The following PPTC7 variants were observed in gnomAD, a reference collection of about 807,000 sequenced individuals.
The protein encoded by PPTC7 is protein phosphatase PTC7 homolog.
In PPTC7, 6 loss-of-function variants were observed where a neutral mutation model predicts 30.8. The observed-to-expected ratio is 0.19, with a 90% CI of 0.11 to 0.38. The LOEUF (loss-of-function observed/expected upper bound fraction) is 0.38. PPTC7 is among the 10% of genes least tolerant of loss of function. The pLI, the probability that PPTC7 is intolerant of heterozygous loss-of-function variation, is 1.00. For missense variants in PPTC7, 218 were observed against 404.8 expected (o/e 0.54, Z 3.96); for synonymous variants, 163 against 168.1 (o/e 0.97, Z 0.23).
intron 1 of PPTC7, among the ~76,000 whole-genome samples, chr12:110,557,710 A>C (rs2064401874): frequency 6.6e-6 from 1 of 152,216 alleles, no homozygotes; most frequent in Non-Finnish European, 1.5e-5. Context: ...TAATGTGGGT[A>C]TATTAGTCCA....
rs1231218816 is a variant in PPTC7 at position 110,583,043 on chromosome 12, C to T, written c.-12G>A. The T allele has an allele frequency of 2.2e-6, 3 of 1,388,996 alleles. No individual in the cohort carries two copies. Among genetic ancestry groups the T allele is most frequent in the Non-Finnish European group, 2.8e-6 (3 of 1,081,602 alleles). 86.0% of individuals were successfully genotyped at this position (1,388,996 alleles called of 1,614,324 possible). ...AGGACCGAGAACATCGCCGCCGCCG[C>T]CCCCCCGAGGAGGCGGGGGGCCGGG... On this transcript the variant is annotated 5_prime_UTR_variant, in exon 1 of 6. Coordinates refer to ENST00000354300, the MANE Select transcript of PPTC7 (RefSeq NM_139283.2).
intron 1 of PPTC7, among the ~76,000 whole-genome samples, chr12:110,560,069 A>G (rs1222619557): frequency 6.6e-6 from 1 of 152,118 alleles, no homozygotes; most frequent in Non-Finnish European, 1.5e-5. Flanking sequence ...TCTAATTAAC[A>G]TGTTTTTGTC....
At chr12:110,568,941 G>C (rs1013655908) in intron 1 of PPTC7, among the ~76,000 whole-genome samples, 34 of 152,172 alleles carry the variant, frequency 2.2e-4, no homozygotes, top group Non-Finnish European at 1.2e-4. Context: ...CTTCAGTCCG[G>C]GAGGTCGAGG....
chr12:110,579,585 C>A (rs2135799758), intron 1 of PPTC7, among the ~76,000 whole-genome samples: 1 of 152,268 alleles, frequency 6.6e-6, no homozygotes, highest in African/African-American at 2.4e-5. Flanking sequence ...GGGTCCTGAT[C>A]CTCAGGGGTT....
intron 3 of PPTC7, among the ~76,000 whole-genome samples, chr12:110,543,435 G>GAA (rs797006893): frequency 2.0e-4 from 28 of 140,198 alleles, no homozygotes; most frequent in Non-Finnish European, 3.6e-4. Context: ...CATGCAGCAT[G>GAA]AAAAAAAAAA....
intron 1 of PPTC7, among the ~76,000 whole-genome samples, chr12:110,558,932 C>T (rs2135779745): frequency 6.6e-6 from 1 of 152,198 alleles, no homozygotes; most frequent in South Asian, 2.1e-4. Flanking sequence ...ATGGAAATGT[C>T]AGTTTTATGA....
At chr12:110,572,507 C>T (rs1310278849) in intron 1 of PPTC7, among the ~76,000 whole-genome samples, 1 of 152,104 alleles carries the variant, frequency 6.6e-6, no homozygotes, top group Non-Finnish European at 1.5e-5. Flanking sequence ...AATAAATTCC[C>T]TTTCTCTTCA....
Position 110,582,927 on chromosome 12 carries a change from TC to T in PPTC7, c.104del (p.Gly35AspfsTer3). On this transcript the variant is annotated frameshift_variant, in exon 1 of 6. Transcript: ENST00000354300. LOFTEE classifies it high-confidence loss of function. ...RAGGGGGGDY[G>X]LVTAGCGFGK... ...CGAAGCCGCAGCCGGCCGTCACCAG[TC>T]CGTAGTCGCCGCCGCCGCCGCCGCC... 1 of 1,548,002 alleles carries T rather than the reference TC, an allele frequency of 6.5e-7. No homozygotes were observed. Among genetic ancestry groups the T allele is most frequent in the Non-Finnish European group, 8.7e-7 (1 of 1,146,380 alleles).
intron 1 of PPTC7, among the ~76,000 whole-genome samples, chr12:110,558,416 G>A (rs1171612017): frequency 5.9e-5 from 9 of 152,178 alleles, no homozygotes; most frequent in Admixed American, 5.9e-4. Context: ...AGGTTGCACC[G>A]AATATAGAAG....
intron 1 of PPTC7, among the ~76,000 whole-genome samples, chr12:110,555,738 A>C (rs948607861): frequency 7.2e-5 from 11 of 152,212 alleles, no homozygotes; most frequent in African/African-American, 2.4e-4. Flanking sequence ...AAGGAACAGC[A>C]CATTTCATTG....
At position 110,538,332 on chromosome 12, in the gene PPTC7, T is replaced by G; in HGVS notation, c.727-59A>C. 4 of 1,498,278 alleles carry G rather than the reference T, an allele frequency of 2.7e-6. No homozygotes were observed. The South Asian group carries it at 4.6e-5, about 17-fold the overall frequency. 92.8% of individuals were successfully genotyped at this position (1,498,278 alleles called of 1,614,324 possible). A position where few individuals can be genotyped will look rare whatever the true frequency, so the allele number is the denominator to read the frequency against. On this transcript the variant is annotated intron_variant, in intron 4 of 5. Transcript: ENST00000354300. Reference sequence around the variant, plus strand: ...AATGCTCAAGACAGTAACATTTATCTAACCACCTTTTCCATCATGTAAGTT... The same window carrying G: ...AATGCTCAAGACAGTAACATTTATCGAACCACCTTTTCCATCATGTAAGTT...
At chr12:110,563,930 GAAACTT>G (rs1175693344) in intron 1 of PPTC7, among the ~76,000 whole-genome samples, 1 of 152,180 alleles carries the variant, frequency 6.6e-6, no homozygotes, top group Non-Finnish European at 1.5e-5. Context: ...TGAAGGCAAA[GAAACTT>G]AAAGTCATCC....
intron 1 of PPTC7, among the ~76,000 whole-genome samples, chr12:110,573,918 T>A (rs1458447444): frequency 6.6e-6 from 1 of 150,886 alleles, no homozygotes. Context: ...GAGGCGGAGG[T>A]TACGGTGAGC....
chr12:110,552,093 A>C, intron 1 of PPTC7, 125 bp from the exon 2 acceptor site: 1 of 716,942 alleles, frequency 1.4e-6, no homozygotes. Flanking sequence ...TCCAAAATTC[A>C]GAATAAAAAG....
chr12:110,547,786 T>C (rs967634426), intron 2 of PPTC7, among the ~76,000 whole-genome samples: 1 of 152,184 alleles, frequency 6.6e-6, no homozygotes, highest in Non-Finnish European at 1.5e-5. Flanking sequence ...TCACTTATTC[T>C]CTCCAGACTT....
chr12:110,579,749 A>T (rs1480989575), intron 1 of PPTC7, among the ~76,000 whole-genome samples: 1 of 152,196 alleles, frequency 6.6e-6, no homozygotes, highest in Non-Finnish European at 1.5e-5. Context: ...GCGGTGGTTC[A>T]TGCCTGTAAT....
Position 110,542,880 on chromosome 12 carries a change from G to A in PPTC7, c.603-2935C>T, listed in dbSNP as rs527545949. Among the ~76,000 whole-genome samples, 1,040 of 152,028 alleles carry A rather than the reference G, an allele frequency of 6.8e-3. 1 individual carries two copies. Among genetic ancestry groups the A allele is most frequent in the Non-Finnish European group, 9.4e-3 (637 of 67,956 alleles). On this transcript the variant is annotated intron_variant, in intron 3 of 5. Transcript: ENST00000354300. ...GATGAAAACAGACATAAAAATGGGG[G>A]AAAACCCCGGGTGGGGAGAAAAGAT...
chr12:110,566,220 TTTTTG>T (rs1229168575), intron 1 of PPTC7, among the ~76,000 whole-genome samples: 3 of 152,230 alleles, frequency 2.0e-5, no homozygotes, highest in African/African-American at 7.2e-5. Flanking sequence ...GCTTGTTAAG[TTTTTG>T]TTTTAACTAA....
chr12:110,582,186 C>T (rs2064642922), intron 1 of PPTC7, among the ~76,000 whole-genome samples: 1 of 152,336 alleles, frequency 6.6e-6, no homozygotes, highest in Admixed American at 6.5e-5. Context: ...TCTGCCAACC[C>T]CCAAGTGACC....
Sources: gnomAD v4.1 joint callset for allele counts (sites outside exome capture counted in the v4.1 genomes callset) on GRCh38, gnomAD v4.1.1 for gene constraint, MANE v1.5 for transcripts, NCBI Gene and HGNC (gene_info 2026-07-23, HGNC 2026-07-21) for gene names.